The following CCDC62 variants were observed in gnomAD, a reference collection of about 807,000 sequenced individuals.
CCDC62 encodes the protein coiled-coil domain-containing protein 62.
Under a neutral mutation model 80.8 loss-of-function variants are expected in CCDC62, and 72 were observed. The observed-to-expected ratio is 0.89, with a 90% CI of 0.74 to 1.08. CCDC62 has a LOEUF of 1.08. Among genes scored for constraint, CCDC62 ranks in the 50% least tolerant of loss-of-function variants. CCDC62 has a pLI of 0.00. For missense variants in CCDC62, 704 were observed against 809.4 expected (o/e 0.87, Z 1.58); for synonymous variants, 286 against 296.5 (o/e 0.96, Z 0.36).
At chr12:122,797,950 A>G in intron 7 of CCDC62, 135 bp from the exon 8 acceptor site, 1 of 603,956 alleles carries the variant, frequency 1.7e-6, no homozygotes, top group South Asian at 2.0e-5. Context: ...AAAAGCAGAC[A>G]TATTTAGCAT....
intron 6 of CCDC62, among the ~76,000 whole-genome samples, chr12:122,793,645 G>T (rs1405150031): frequency 6.6e-6 from 1 of 151,964 alleles, no homozygotes; most frequent in African/African-American, 2.4e-5. Context: ...TGCAGAGAAG[G>T]GGTCTCACTA....
intron 11 of CCDC62, among the ~76,000 whole-genome samples, chr12:122,814,295 AAAAAAAGAGAGAGAG>A (rs1566087777): frequency 7.8e-5 from 3 of 38,536 alleles, no homozygotes; most frequent in African/African-American, 1.3e-4. Flanking sequence ...AAAAAAAAAA[AAAAAAAGAGAGAGAG>A]AAAGAAAGAA....
intron 10 of CCDC62, among the ~76,000 whole-genome samples, chr12:122,808,475 TTATC>T (rs1353525162): frequency 2.0e-5 from 3 of 152,164 alleles, no homozygotes; most frequent in African/African-American, 4.8e-5. Context: ...TTTTTTTCGT[TTATC>T]TAGGAATGGA....
At chr12:122,810,789 G>C (rs2031834834) in intron 10 of CCDC62, among the ~76,000 whole-genome samples, 1 of 152,146 alleles carries the variant, frequency 6.6e-6, no homozygotes, top group Non-Finnish European at 1.5e-5. Flanking sequence ...AAAAATGATA[G>C]ACTGGATTAA....
intron 3 of CCDC62, 144 bp from the exon 4 acceptor site, chr12:122,785,575 C>A: frequency 1.5e-6 from 1 of 653,156 alleles, no homozygotes; most frequent in East Asian, 2.5e-5. Flanking sequence ...TTTATTAGCC[C>A]ACTCCATTAC....
Position 122,801,735 on chromosome 12 carries a change from C to G in CCDC62, c.1589C>G (p.Ser530Cys). The G allele has an allele frequency of 3.7e-6, 6 of 1,614,210 alleles. No individual in the cohort carries two copies. The highest frequency in any genetic ancestry group is 5.1e-6 in the Non-Finnish European group (6 of 1,180,032). Residue 530 changes from serine to cysteine, a missense_variant, in exon 9 of 13, where the codon TCT (serine) becomes TGT (cysteine). Coordinates refer to ENST00000253079, the MANE Select transcript of CCDC62 (RefSeq NM_201435.5). ...NFIIEAPGHM[S>C]DVEWMSIFKP... ...ATAATTGAAGCCCCAGGCCACATGT[C>G]TGACGTGGAGTGGATGAGTATTTTC...
intron 10 of CCDC62, among the ~76,000 whole-genome samples, chr12:122,807,094 T>C (rs2031647471): frequency 6.6e-6 from 1 of 152,036 alleles, no homozygotes; most frequent in Non-Finnish European, 1.5e-5. Context: ...TGTGGCAAGG[T>C]ACAGTGCCTC....
rs1279315383 is a variant in CCDC62 at position 122,774,657 on chromosome 12, C to T, written c.-14C>T. On this transcript the variant is annotated 5_prime_UTR_variant, in exon 1 of 13. Coordinates refer to ENST00000253079, the MANE Select transcript of CCDC62 (RefSeq NM_201435.5). ...CGCCCACACCGGGCTTCTCCGGGGG[C>T]GGAGGAAACACCTATGAACCCTCCG... is the stretch of plus-strand genomic sequence containing the variant. The T allele has an allele frequency of 1.1e-4, 141 of 1,249,562 alleles. No homozygotes were observed. Among genetic ancestry groups the T allele is most frequent in the Non-Finnish European group, 1.4e-4 (138 of 987,972 alleles). 77.4% of individuals were successfully genotyped at this position (1,249,562 alleles called of 1,614,324 possible). A position where few individuals can be genotyped will look rare whatever the true frequency, so the allele number is the denominator to read the frequency against.
intron 6 of CCDC62, 74 bp downstream of exon 6, chr12:122,792,195 CA>C (rs2030663852): frequency 1.3e-6 from 1 of 784,278 alleles, no homozygotes; most frequent in Non-Finnish European, 2.1e-6. Context: ...ATACCTCTCC[CA>C]AAATGGTTTT....
At chr12:122,797,197 A>T (rs79206681) in intron 6 of CCDC62, 110 bp from the exon 7 acceptor site, 30,988 of 619,632 alleles carry the variant, frequency 0.05, 1,500 homozygotes, top group East Asian at 0.24. Context: ...ATTTTTAAGT[A>T]CAGGAACAAC....
intron 1 of CCDC62, among the ~76,000 whole-genome samples, chr12:122,775,673 C>T (rs779021304): frequency 2.6e-5 from 4 of 152,152 alleles, no homozygotes; most frequent in Admixed American, 6.6e-5. Context: ...AGTACAGTGA[C>T]GCAATGTCGG....
chr12:122,791,179 C>T (rs1052652666), intron 5 of CCDC62, among the ~76,000 whole-genome samples: 1 of 152,010 alleles, frequency 6.6e-6, no homozygotes, highest in African/African-American at 2.4e-5. Context: ...TCACTCTTGT[C>T]GCCCAGGCTG....
rs541255734 is a variant in CCDC62 at position 122,822,803 on chromosome 12, A to G, written c.2002-563A>G. 3.3e-5 allele frequency among the ~76,000 whole-genome samples: 5 copies of G among 151,804 alleles called. No individual in the cohort carries two copies. In the South Asian group the frequency reaches 1.0e-3, roughly 32 times the overall value. On this transcript the variant is annotated intron_variant, in intron 11 of 12. Coordinates refer to ENST00000253079, the MANE Select transcript of CCDC62 (RefSeq NM_201435.5). ...TCATCCACGCTGTTGCAAATTACAG[A>G]ATTTTGTTTGTTTTTATGGCTAAAT...
At chr12:122,800,573 C>G (rs1357785110) in intron 8 of CCDC62, among the ~76,000 whole-genome samples, 3 of 149,970 alleles carry the variant, frequency 2.0e-5, no homozygotes, top group African/African-American at 7.4e-5. Context: ...GAATACAGGC[C>G]TGCGCCACCA....
At chr12:122,776,178 A>G (rs1474964777) in intron 1 of CCDC62, among the ~76,000 whole-genome samples, 1 of 152,106 alleles carries the variant, frequency 6.6e-6, no homozygotes, top group African/African-American at 2.4e-5. Context: ...AATCTTCACC[A>G]CTCCAAGATG....
chr12:122,787,373 G>A (rs975581819), intron 4 of CCDC62, among the ~76,000 whole-genome samples: 1 of 150,880 alleles, frequency 6.6e-6, no homozygotes, highest in Admixed American at 6.6e-5. Flanking sequence ...ATCCCCGGAA[G>A]CCGGGAGGTG....
rs1444734573 is a variant in CCDC62 at position 122,781,232 on chromosome 12, C to A, written c.298C>A (p.Gln100Lys). 1.9e-5 allele frequency: 31 copies of A among 1,613,802 alleles called. No individual in the cohort carries two copies. Among genetic ancestry groups the A allele is most frequent in the Non-Finnish European group, 2.5e-5 (29 of 1,179,848 alleles). The change falls in exon 3 of 13, where the codon CAA (glutamine) becomes AAA (lysine). Residue 100 changes from glutamine (Q) to lysine (K), a missense_variant. Transcript: ENST00000253079. ...GAAGGTAAAAGCTCTTGAATCCAATCAAATGGAATGCCAAACAGCTCTCCA... is the reference window on the plus strand; with the variant it reads ...GAAGGTAAAAGCTCTTGAATCCAATAAAATGGAATGCCAAACAGCTCTCCA... Reference protein sequence around the residue: ...TKKVKALESNQMECQTALQKT... With the variant: ...TKKVKALESNKMECQTALQKT...
intron 10 of CCDC62, among the ~76,000 whole-genome samples, chr12:122,812,559 T>C (rs1448167254): frequency 1.5e-5 from 2 of 132,380 alleles, no homozygotes; most frequent in African/African-American, 5.4e-5. Context: ...GCTAACGTGG[T>C]GAAACCCCGT....
At position 122,798,175 on chromosome 12, in the gene CCDC62, G is replaced by T. The variant is rs1160271001; in HGVS notation, c.952G>T (p.Glu318Ter). ...ELIQMYDSKM[E>*]ESKALDSSRD... Reference sequence around the variant, plus strand: ...AATACAGATGTATGACTCAAAGATGGAGGAATCAAAGGCTCTGGACTCCAG... The same window carrying T: ...AATACAGATGTATGACTCAAAGATGTAGGAATCAAAGGCTCTGGACTCCAG... The change falls in exon 8 of 13, where the codon GAG becomes TAG. Residue 318 changes from glutamate to a stop codon, truncating the protein, a stop_gained. Coordinates refer to ENST00000253079, the MANE Select transcript of CCDC62 (RefSeq NM_201435.5). LOFTEE classifies it high-confidence loss of function. 1 of 1,574,814 alleles carries T rather than the reference G, an allele frequency of 6.3e-7. No individual in the cohort carries two copies. The highest frequency in any genetic ancestry group is 1.1e-5 in the South Asian group (1 of 89,790).
Sources: gnomAD v4.1 joint callset for allele counts (sites outside exome capture counted in the v4.1 genomes callset) on GRCh38, gnomAD v4.1.1 for gene constraint, MANE v1.5 for transcripts, NCBI Gene and HGNC (gene_info 2026-07-23, HGNC 2026-07-21) for gene names.